The following CFAP97D2 variants were observed in gnomAD, a reference collection of about 807,000 sequenced individuals.
The protein encoded by CFAP97D2 is uncharacterized protein CFAP97D2.
chr13:114,185,147 C>A lies in CFAP97D2; in HGVS notation c.90+5727C>A, dbSNP rs1293156131. Among the ~76,000 whole-genome samples, 2 of 152,234 alleles carry A rather than the reference C, an allele frequency of 1.3e-5. No homozygotes were observed. Among genetic ancestry groups the A allele is most frequent in the African/African-American group, 2.4e-5 (1 of 41,476 alleles). On this transcript the variant is annotated intron_variant, in intron 1 of 4. Transcript: ENST00000646158. This position sits in a 1 kb window ranked among gnomAD's most constrained non-coding sequence, Gnocchi z 5.2. Reference sequence around the variant, plus strand: ...CCCTTGTGTGGCCAGGCAGGACCTGCTCCCAGGCCCAGGGCCTCCACCACT... The same window carrying A: ...CCCTTGTGTGGCCAGGCAGGACCTGATCCCAGGCCCAGGGCCTCCACCACT...
intron 4 of CFAP97D2, chr13:114,215,840 C>T (rs1356544642): frequency 2.6e-5 from 4 of 152,170 alleles, no homozygotes; most frequent in Non-Finnish European, 5.9e-5. Context: ...ACGCTTTCTC[C>T]CTCACTATTC....
chr13:114,202,563 G>A (rs1282006356), intron 3 of CFAP97D2, among the ~76,000 whole-genome samples: 1 of 152,214 alleles, frequency 6.6e-6, no homozygotes, highest in East Asian at 1.9e-4. Flanking sequence ...GCTCAGCAAT[G>A]CAGATGCACA....
rs2080964783 is a variant in CFAP97D2 at position 114,211,035 on chromosome 13, G to A, written c.291-877G>A. Among the ~76,000 whole-genome samples the A allele has an allele frequency of 6.6e-6, 1 of 152,206 alleles. No homozygotes were observed. Among genetic ancestry groups the A allele is most frequent in the African/African-American group, 2.4e-5 (1 of 41,440 alleles). ...AGAGGAAGTGCCCAACAAGTCTCCA[G>A]AGGGTGATGGTGAACTTCCAGGAGG... On this transcript the variant is annotated intron_variant, in intron 3 of 4. Coordinates refer to ENST00000646158, the Ensembl canonical transcript of CFAP97D2. This position sits in a 1 kb window ranked among gnomAD's most constrained non-coding sequence, Gnocchi z 4.2.
rs35798712 is a variant in CFAP97D2 at position 114,188,115 on chromosome 13, C to CA, written c.91-8268dup. ...GCAACATAGCAAGACACCATCTCCA[C>CA]AAAAAAAAAAAAAGTTTAATTAACC... is the stretch of plus-strand genomic sequence containing the variant. On this transcript the variant is annotated intron_variant, in intron 1 of 4. Transcript: ENST00000646158. 8.0e-3 allele frequency among the ~76,000 whole-genome samples: 1,088 copies of CA among 136,272 alleles called. 4 individuals are homozygous for CA. The highest frequency in any genetic ancestry group is 0.02 in the African/African-American group (739 of 37,558). The allele number at this position is 136,272 out of a possible 152,430, so 89.4% of individuals were successfully genotyped here.
intron 3 of CFAP97D2, among the ~76,000 whole-genome samples, chr13:114,209,207 T>C (rs1306859960): frequency 2.6e-5 from 4 of 152,246 alleles, no homozygotes; most frequent in African/African-American, 9.6e-5. Flanking sequence ...CACTGCCATC[T>C]GGGCACCATC....
intron 2 of CFAP97D2, among the ~76,000 whole-genome samples, chr13:114,199,110 C>G (rs375322377): frequency 1.1e-3 from 62 of 58,918 alleles, no homozygotes; most frequent in African/African-American, 1.6e-3. Flanking sequence ...GGCGTGACGG[C>G]GCGTCCCCGT....
At chr13:114,212,621 G>A (rs763739065) in intron 4 of CFAP97D2, among the ~76,000 whole-genome samples, 38 of 152,098 alleles carry the variant, frequency 2.5e-4, no homozygotes, top group Admixed American at 6.6e-4. Flanking sequence ...AGGCCAAGGC[G>A]GGTGGATAAC....
Position 114,183,214 on chromosome 13 carries a change from G to A in CFAP97D2, c.90+3794G>A, listed in dbSNP as rs572494689. Among the ~76,000 whole-genome samples the A allele has an allele frequency of 5.5e-4, 84 of 152,010 alleles. 1 individual carries two copies. The highest frequency in any genetic ancestry group is 1.0e-3 in the Non-Finnish European group (70 of 67,962). On this transcript the variant is annotated intron_variant, in intron 1 of 4. Coordinates refer to ENST00000646158, the Ensembl canonical transcript of CFAP97D2. ...GACAGTCTCACTCTGTCACCCAGGCGGGAGTGCAGTGGTGTGATCTTGGCT... is the reference window on the plus strand; with the variant it reads ...GACAGTCTCACTCTGTCACCCAGGCAGGAGTGCAGTGGTGTGATCTTGGCT...
intron 4 of CFAP97D2, among the ~76,000 whole-genome samples, chr13:114,216,740 G>A (rs945397081): frequency 5.9e-5 from 9 of 152,158 alleles, no homozygotes; most frequent in Non-Finnish European, 1.2e-4. Context: ...GAATAGTGCT[G>A]CAATAAACAT....
chr13:114,211,808 T>A lies in CFAP97D2; in HGVS notation c.291-104T>A, dbSNP rs139247189. On this transcript the variant is annotated intron_variant, in intron 3 of 4. Coordinates refer to ENST00000646158, the Ensembl canonical transcript of CFAP97D2. This position sits in a 1 kb window ranked among gnomAD's most constrained non-coding sequence, Gnocchi z 4.2. ...GTTCAGTGGGAAGCAGGAGCAACCC[T>A]CCACCCCGGGACCCCTTCCTGCTCT... 2.5e-6 allele frequency: 1 copy of A among 397,580 alleles called. No homozygotes were observed. Among genetic ancestry groups the A allele is most frequent in the Non-Finnish European group, 4.4e-6 (1 of 225,936 alleles). The allele number at this position is 397,580 out of a possible 1,614,324, so 24.6% of individuals were successfully genotyped here.
At chr13:114,182,688 G>A (rs148408802) in intron 1 of CFAP97D2, among the ~76,000 whole-genome samples, 1,744 of 151,368 alleles carry the variant, frequency 0.012, 38 homozygotes, top group African/African-American at 0.04. Context: ...GCTTGTAAAC[G>A]TTTTGTTAAC....
In CFAP97D2 at chr13:114,221,683, T is replaced by C. The variant is rs2081022806; in HGVS notation, c.481-815T>C. ...ACATATGTAACAAACCTGCACATTG[T>C]GCACATGTACCCTAGAACTTAAAGT... On this transcript the variant is annotated intron_variant, in intron 4 of 4. Transcript: ENST00000646158. 2.0e-5 allele frequency among the ~76,000 whole-genome samples: 3 copies of C among 151,532 alleles called. No homozygotes were observed. In the South Asian group the frequency reaches 6.3e-4, roughly 32 times the overall value.
chr13:114,209,786 C>T (rs1594520783), intron 3 of CFAP97D2, among the ~76,000 whole-genome samples: 1 of 152,190 alleles, frequency 6.6e-6, no homozygotes, highest in Admixed American at 6.5e-5. Context: ...GAATCTCAAG[C>T]CTTATGATTC....
intron 3 of CFAP97D2, among the ~76,000 whole-genome samples, chr13:114,210,444 C>T (rs1345019156): frequency 2.0e-5 from 3 of 152,162 alleles, no homozygotes; most frequent in African/African-American, 7.2e-5. Context: ...TTAGTTTGAT[C>T]CGATCTAACC....
rs931240725 is a variant in CFAP97D2, at chr13:114,211,511, GCCTGGGA to G, written c.291-398_291-392del. On this transcript the variant is annotated intron_variant, in intron 3 of 4. Coordinates refer to ENST00000646158, the Ensembl canonical transcript of CFAP97D2. The surrounding 1 kb of genome is among the most constrained non-coding windows in gnomAD (Gnocchi z 4.2). The stretch of plus-strand genomic sequence containing the variant: ...GGGCGCCTGGGTGCTTGCCCTCCCC[GCCTGGGA>G]CCCTGCTCTCCGCCATGGGTGCCCG... 1.3e-5 allele frequency among the ~76,000 whole-genome samples: 2 copies of G among 151,924 alleles called. No individual in the cohort carries two copies. The highest frequency in any genetic ancestry group is 2.9e-5 in the Non-Finnish European group (2 of 67,988).
At chr13:114,222,622 A>C (rs1466291532), downstream of CFAP97D2, 4 of 397,632 alleles carry the variant, frequency 1.0e-5, no homozygotes, top group African/African-American at 6.2e-5. The surrounding 1 kb of genome is among the most constrained non-coding windows in gnomAD (Gnocchi z 4.4). Flanking sequence ...AGTCACAAGG[A>C]AGACCCACAA....
rs1322317489 is a variant in CFAP97D2, at chr13:114,185,569, G to C, written c.90+6149G>C. Among the ~76,000 whole-genome samples the C allele has an allele frequency of 6.6e-6, 1 of 152,218 alleles. No homozygotes were observed. The highest frequency in any genetic ancestry group is 2.4e-5 in the African/African-American group (1 of 41,466). On this transcript the variant is annotated intron_variant, in intron 1 of 4. Transcript: ENST00000646158. This position sits in a 1 kb window ranked among gnomAD's most constrained non-coding sequence, Gnocchi z 5.2. ...GCATGTGTGTGGTTCTGCACTCTCA[G>C]GAGCCCAGGAAGGCCCCCTGTCTCC... is the stretch of plus-strand genomic sequence containing the variant.
chr13:114,198,683 G>C (rs138016158), intron 2 of CFAP97D2, among the ~76,000 whole-genome samples: 29,426 of 64,056 alleles, frequency 0.46, 8,014 homozygotes, highest in African/African-American at 0.71. Context: ...CGTGACAGTG[G>C]GTCCCCGTGC....
chr13:114,211,800 A>G lies in CFAP97D2; in HGVS notation c.291-112A>G. On this transcript the variant is annotated intron_variant, in intron 3 of 4. Coordinates refer to ENST00000646158, the Ensembl canonical transcript of CFAP97D2. The surrounding 1 kb of genome is among the most constrained non-coding windows in gnomAD (Gnocchi z 4.2). Reference sequence around the variant, plus strand: ...AAATGTTGGTTCAGTGGGAAGCAGGAGCAACCCTCCACCCCGGGACCCCTT... The same window carrying G: ...AAATGTTGGTTCAGTGGGAAGCAGGGGCAACCCTCCACCCCGGGACCCCTT... 2 of 397,590 alleles carry G rather than the reference A, an allele frequency of 5.0e-6. No individual in the cohort carries two copies. The highest frequency in any genetic ancestry group is 8.9e-6 in the Non-Finnish European group (2 of 225,940). 24.6% of individuals were successfully genotyped at this position (397,590 alleles called of 1,614,324 possible).
Sources: gnomAD v4.1 joint callset for allele counts (sites outside exome capture counted in the v4.1 genomes callset) on GRCh38, gnomAD v4.1.1 for gene constraint, Gnocchi (gnomAD v3.1) non-coding constraint, MANE v1.5 for transcripts, NCBI Gene and HGNC (gene_info 2026-07-23, HGNC 2026-07-21) for gene names.